The following CNOT2 variants were observed in gnomAD, a reference collection of about 807,000 sequenced individuals.
CNOT2 encodes the protein CCR4-NOT transcription complex subunit 2.
In CNOT2, 7 loss-of-function variants were observed where a neutral mutation model predicts 72.1. The observed-to-expected ratio is 0.10, with a 90% confidence interval of 0.06 to 0.18. The LOEUF (loss-of-function observed/expected upper bound fraction) is 0.18. Among genes scored for constraint, CNOT2 ranks in the 10% least tolerant of loss-of-function variants. CNOT2 has a pLI of 1.00. For synonymous variants in CNOT2, 196 were observed against 225.6 expected, an observed-to-expected ratio of 0.87 and a Z score of 1.17; for missense variants, 345 against 660.3, an observed-to-expected ratio of 0.52 and a Z score of 5.23.
upstream of CNOT2, chr12:70,243,060 C>T (rs181899530): frequency 6.6e-6 from 1 of 152,656 alleles, no homozygotes; most frequent in Non-Finnish European, 1.5e-5. Flanking sequence ...ACTGAAGCCA[C>T]CTCACCATTC....
rs1216925678 is a variant in CNOT2, at chr12:70,256,582, T to A, written c.-96+13102T>A. 2.5e-3 allele frequency among the ~76,000 whole-genome samples: 268 copies of A among 108,186 alleles called. 1 individual carries two copies. The highest frequency in any genetic ancestry group is 3.5e-3 in the Admixed American group (36 of 10,272). The allele number at this position is 108,186 out of a possible 152,430, so 71.0% of individuals were successfully genotyped here. A position where few individuals can be genotyped will look rare whatever the true frequency, so the allele number is the denominator to read the frequency against. On this transcript the variant is annotated intron_variant, in intron 1 of 15. Transcript: ENST00000229195. ...GGTTCTGCTGAAGGAGACCTGTGGGTAAAAAAAAAAAAAAAAAAAAAGTGG... is the reference window on the plus strand; with the variant it reads ...GGTTCTGCTGAAGGAGACCTGTGGGAAAAAAAAAAAAAAAAAAAAAAGTGG...
intron 1 of CNOT2, among the ~76,000 whole-genome samples, chr12:70,261,441 A>T (rs1344551512): frequency 6.8e-6 from 1 of 146,986 alleles, no homozygotes; most frequent in Non-Finnish European, 1.5e-5. Flanking sequence ...CGGCCTCCTG[A>T]GTAGCTGGGA....
intron 2 of CNOT2, among the ~76,000 whole-genome samples, chr12:70,296,442 T>C (rs1196640299): frequency 6.6e-6 from 1 of 152,154 alleles, no homozygotes; most frequent in East Asian, 1.9e-4. Context: ...TTATTCTGCA[T>C]TGGCTAAAAC....
chr12:70,282,589 A>C (rs1870058143), intron 2 of CNOT2, among the ~76,000 whole-genome samples: 1 of 152,156 alleles, frequency 6.6e-6, no homozygotes, highest in Non-Finnish European at 1.5e-5. Flanking sequence ...GATCTTTACT[A>C]GTGACTATAT....
intron 2 of CNOT2, among the ~76,000 whole-genome samples, chr12:70,289,243 C>T (rs936575819): frequency 1.3e-5 from 2 of 151,902 alleles, no homozygotes; most frequent in Admixed American, 1.3e-4. Context: ...TCAAAATTGA[C>T]GGGTTTTTTG....
intron 3 of CNOT2, among the ~76,000 whole-genome samples, chr12:70,312,842 A>G (rs1166904377): frequency 1.3e-5 from 2 of 152,008 alleles, no homozygotes; most frequent in Non-Finnish European, 2.9e-5. Flanking sequence ...TAAAATTACA[A>G]AATAGCACAG....
At chr12:70,317,611 ATT>A (rs529433652) in intron 3 of CNOT2, among the ~76,000 whole-genome samples, 2,443 of 105,402 alleles carry the variant, frequency 0.023, 58 homozygotes, top group African/African-American at 0.073. Flanking sequence ...ATAAGGTTTG[ATT>A]TTTTTTTTTT....
chr12:70,288,322 T>TC (rs1871276362), intron 2 of CNOT2, among the ~76,000 whole-genome samples: 5 of 151,936 alleles, frequency 3.3e-5, no homozygotes. Context: ...TTTTTTTGTA[T>TC]TTTTAGTATG....
intron 1 of CNOT2, among the ~76,000 whole-genome samples, chr12:70,272,289 A>G (rs536511851): frequency 6.6e-6 from 1 of 152,318 alleles, no homozygotes; most frequent in Admixed American, 6.5e-5. Flanking sequence ...TACAGACAGA[A>G]AACAAATGAG....
chr12:70,277,675 C>T (rs569757680), intron 1 of CNOT2, among the ~76,000 whole-genome samples: 7 of 152,148 alleles, frequency 4.6e-5, no homozygotes, highest in East Asian at 1.9e-4. Flanking sequence ...CAGAATGAAT[C>T]GGTAGCTGTG....
At chr12:70,284,091 G>C (rs1395123359) in intron 2 of CNOT2, among the ~76,000 whole-genome samples, 1 of 151,428 alleles carries the variant, frequency 6.6e-6, no homozygotes. Flanking sequence ...ACAGGCATGT[G>C]CCACCATGCC....
chr12:70,341,855 TG>T (rs1881551474), intron 11 of CNOT2: 4 of 437,024 alleles, frequency 9.2e-6, no homozygotes, highest in African/African-American at 2.0e-5. Flanking sequence ...AATCATGTTT[TG>T]TATATTGTGA....
intron 2 of CNOT2, among the ~76,000 whole-genome samples, chr12:70,294,671 G>A (rs1176758858): frequency 6.6e-6 from 1 of 152,158 alleles, no homozygotes; most frequent in Admixed American, 6.5e-5. Context: ...TTTGCCATAT[G>A]TAACTTGGTC....
At chr12:70,324,169 A>G (rs996200342) in intron 4 of CNOT2, 1 of 151,842 alleles carries the variant, frequency 6.6e-6, no homozygotes, top group South Asian at 2.1e-4. Flanking sequence ...CCATTTGTAC[A>G]TAGTAGAAAC....
At chr12:70,257,471 C>T (rs1482803692) in intron 1 of CNOT2, among the ~76,000 whole-genome samples, 8 of 151,512 alleles carry the variant, frequency 5.3e-5, no homozygotes, top group African/African-American at 1.9e-4. Flanking sequence ...CGCCATTCTC[C>T]TGCCTCAGCC....
At chr12:70,297,012 C>T (rs183310794) in intron 2 of CNOT2, among the ~76,000 whole-genome samples, 119 of 152,180 alleles carry the variant, frequency 7.8e-4, no homozygotes, top group Middle Eastern at 3.4e-3. Context: ...ATTATAAAAA[C>T]GCTAGATTAT....
At chr12:70,288,505 C>G (rs1371533800) in intron 2 of CNOT2, among the ~76,000 whole-genome samples, 1 of 152,132 alleles carries the variant, frequency 6.6e-6, no homozygotes, top group African/African-American at 2.4e-5. Context: ...AATAGCTTCT[C>G]CTTTAGGGAT....
intron 15 of CNOT2, among the ~76,000 whole-genome samples, chr12:70,348,915 GTCTTTA>G (rs1308648447): frequency 4.0e-5 from 6 of 151,728 alleles, no homozygotes; most frequent in Non-Finnish European, 7.4e-5. Context: ...TTGAGCTTTT[GTCTTTA>G]TCTTTAAATT....
At chr12:70,343,057 G>C (rs1881710352) in intron 13 of CNOT2, among the ~76,000 whole-genome samples, 1 of 152,108 alleles carries the variant, frequency 6.6e-6, no homozygotes, top group Admixed American at 6.5e-5. Context: ...TCTAATACTT[G>C]AGTAGATAAA....
Sources: allele counts gnomAD v4.1 joint callset (sites outside exome capture counted in the v4.1 genomes callset), GRCh38; gene constraint gnomAD v4.1.1; transcripts MANE v1.5; gene names NCBI Gene and HGNC (gene_info 2026-07-23, HGNC 2026-07-21).